Variants in SPOCK3 observed in about 807,000 individuals in gnomAD.
SPOCK3 encodes testican-3.
A neutral mutation model predicts 56.6 loss-of-function variants in SPOCK3; 30 were observed. The observed-to-expected ratio is 0.53, with a 90% CI of 0.40 to 0.72. The LOEUF (loss-of-function observed/expected upper bound fraction) is 0.72, where lower values mean the gene tolerates loss of function less well. SPOCK3 is among the 30% of genes least tolerant of loss of function. The pLI, the probability that SPOCK3 is intolerant of heterozygous loss-of-function variation, is 0.00. For synonymous variants in SPOCK3, 196 were observed against 183.3 expected, an observed-to-expected ratio of 1.07 and a Z score of -0.56; for missense variants, 527 against 530.0, an observed-to-expected ratio of 0.99 and a Z score of 0.06.
chr4:166,844,671 AAGAT>A (rs35155317), intron 6 of SPOCK3, among the ~76,000 whole-genome samples: 11,626 of 152,140 alleles, frequency 0.076, 536 homozygotes, highest in Non-Finnish European at 0.1. Context: ...TGTATAGATA[AAGAT>A]AGATAGATGT....
chr4:167,196,211 TATATAA>T (rs1257761469), intron 2 of SPOCK3, among the ~76,000 whole-genome samples: 1 of 152,068 alleles, frequency 6.6e-6, no homozygotes, highest in Non-Finnish European at 1.5e-5. Context: ...AGCACCCTGG[TATATAA>T]ATATACCAAA....
chr4:167,148,669 A>G (rs1561267378), intron 2 of SPOCK3, among the ~76,000 whole-genome samples: 1 of 152,170 alleles, frequency 6.6e-6, no homozygotes, highest in Non-Finnish European at 1.5e-5. Flanking sequence ...CTTCATGTGT[A>G]TACATAAACC....
intron 9 of SPOCK3, among the ~76,000 whole-genome samples, chr4:166,740,646 C>T (rs537508543): frequency 9.2e-5 from 14 of 152,080 alleles, no homozygotes; most frequent in Non-Finnish European, 1.8e-4. Flanking sequence ...CTGCTTCAGG[C>T]GCCAGAGTAG....
chr4:166,753,452 TAG>T (rs2126486005), intron 8 of SPOCK3, among the ~76,000 whole-genome samples: 1 of 152,138 alleles, frequency 6.6e-6, no homozygotes, highest in South Asian at 2.1e-4. Flanking sequence ...AAACTTTGTT[TAG>T]AGTGGTTTAT....
At chr4:167,143,081 A>G (rs1763663729) in intron 2 of SPOCK3, among the ~76,000 whole-genome samples, 1 of 152,028 alleles carries the variant, frequency 6.6e-6, no homozygotes, top group African/African-American at 2.4e-5. Flanking sequence ...GGAAATAGAG[A>G]CAGAGACTTA....
At chr4:166,925,910 A>G (rs1303413012) in intron 4 of SPOCK3, among the ~76,000 whole-genome samples, 1 of 152,178 alleles carries the variant, frequency 6.6e-6, no homozygotes, top group Non-Finnish European at 1.5e-5. Context: ...CTTATTTACC[A>G]GTTTCTGTTT....
chr4:167,217,464 AAGTGTATTGGAGAATG>A (rs1735478580), intron 2 of SPOCK3, among the ~76,000 whole-genome samples: 1 of 152,078 alleles, frequency 6.6e-6, no homozygotes, highest in South Asian at 2.1e-4. Flanking sequence ...AGGTAATTTA[AAGTGTATTGGAGAATG>A]AGTGTAGGTT....
At chr4:166,939,463 G>A (rs569496561) in intron 4 of SPOCK3, among the ~76,000 whole-genome samples, 59 of 152,116 alleles carry the variant, frequency 3.9e-4, no homozygotes, top group African/African-American at 1.4e-3. Context: ...ACAGTAGGGT[G>A]GGAAGAATTG....
At position 167,063,291 on chromosome 4, in the gene SPOCK3, C is replaced by A. The variant is rs537091121; in HGVS notation, c.190-754G>T. On this transcript the variant is annotated intron_variant, in intron 2 of 10. Coordinates refer to ENST00000357545, the MANE Select transcript of SPOCK3 (RefSeq NM_001040159.2). ...GGCCAAATAGACTATGTCTATTTAC[C>A]GTTTTTACCACTCTAAAAGCCTTAT... 2.0e-5 allele frequency among the ~76,000 whole-genome samples: 3 copies of A among 151,692 alleles called. No homozygotes were observed. In the South Asian group the frequency reaches 6.3e-4, roughly 32 times the overall value.
intron 6 of SPOCK3, among the ~76,000 whole-genome samples, chr4:166,848,074 T>G (rs1383377372): frequency 6.6e-6 from 1 of 152,096 alleles, no homozygotes; most frequent in Non-Finnish European, 1.5e-5. Context: ...ATGGTGGTGT[T>G]CTCATGGAAA....
intron 2 of SPOCK3, among the ~76,000 whole-genome samples, chr4:167,126,387 A>C (rs1762282271): frequency 6.6e-6 from 1 of 152,110 alleles, no homozygotes; most frequent in Admixed American, 6.5e-5. Context: ...GTCTCTACTA[A>C]AAATACAAAA....
At chr4:167,214,144 T>A (rs2079497080) in intron 2 of SPOCK3, among the ~76,000 whole-genome samples, 1 of 152,118 alleles carries the variant, frequency 6.6e-6, no homozygotes. Flanking sequence ...TTCCAAGATG[T>A]AAATTTAGAA....
intron 7 of SPOCK3, among the ~76,000 whole-genome samples, chr4:166,788,948 C>T (rs1341898940): frequency 6.8e-6 from 1 of 147,008 alleles, no homozygotes; most frequent in Non-Finnish European, 1.5e-5. Context: ...TGATGCAAAC[C>T]CAAAATTTGA....
intron 7 of SPOCK3, among the ~76,000 whole-genome samples, chr4:166,791,009 T>G (rs184449436): frequency 3.0e-4 from 45 of 152,276 alleles, no homozygotes; most frequent in Non-Finnish European, 5.7e-4. Flanking sequence ...ATATTTACAT[T>G]TGCCAAAAAA....
At chr4:166,797,242 T>C (rs1742045871) in intron 6 of SPOCK3, among the ~76,000 whole-genome samples, 1 of 148,854 alleles carries the variant, frequency 6.7e-6, no homozygotes, top group Non-Finnish European at 1.5e-5. Context: ...TCTTTTTTTT[T>C]TTTTTTTTTT....
intron 2 of SPOCK3, among the ~76,000 whole-genome samples, chr4:167,128,010 T>A (rs1762420930): frequency 1.3e-5 from 2 of 152,204 alleles, no homozygotes. Flanking sequence ...CCAAAAGAAC[T>A]TGCAGAATCA....
At chr4:167,213,916 G>T (rs930977620) in intron 2 of SPOCK3, among the ~76,000 whole-genome samples, 1 of 152,034 alleles carries the variant, frequency 6.6e-6, no homozygotes, top group South Asian at 2.1e-4. Flanking sequence ...TTAATCTATT[G>T]TACTGTCACA....
In SPOCK3 at chr4:166,919,196, A is replaced by C. The variant is rs117443590; in HGVS notation, c.351-6453T>G. On this transcript the variant is annotated intron_variant, in intron 4 of 10. Transcript: ENST00000357545. ...TAAATTTTCAATATGAACTGTGCTT[A>C]TGAGGCCAACAAGTATGATGTAGAA... Among the ~76,000 whole-genome samples, 272 of 152,320 alleles carry C rather than the reference A, an allele frequency of 1.8e-3. 7 individuals are homozygous for C. The East Asian group carries it at 0.032, about 18-fold the overall frequency.
chr4:166,991,343 A>ATT (rs1747761951), intron 4 of SPOCK3, among the ~76,000 whole-genome samples: 109 of 142,906 alleles, frequency 7.6e-4, no homozygotes, highest in African/African-American at 2.4e-3. Flanking sequence ...TTTTGTTTTT[A>ATT]TATTTATTTA....
Sources: gnomAD v4.1 joint callset for allele counts (sites outside exome capture counted in the v4.1 genomes callset) on GRCh38, gnomAD v4.1.1 for gene constraint, MANE v1.5 for transcripts, NCBI Gene and HGNC (gene_info 2026-07-23, HGNC 2026-07-21) for gene names.